Variants in LSS observed in about 807,000 individuals in gnomAD.
LSS encodes the protein 2,3-epoxysqualene-lanosterol cyclase.
In LSS, 90 loss-of-function variants were observed where a neutral mutation model predicts 110.3. That is an observed-to-expected ratio of 0.82 (90% CI 0.69 to 0.97). The LOEUF is 0.97. Among genes scored for constraint, LSS ranks in the 50% least tolerant of loss-of-function variants. LSS has a pLI of 0.00. For synonymous variants in LSS, 433 were observed against 400.0 expected, an observed-to-expected ratio of 1.08 and a Z score of -0.98; for missense variants, 927 against 990.0, an observed-to-expected ratio of 0.94 and a Z score of 0.85.
At position 46,211,048 on chromosome 21, in the gene LSS, G is replaced by A. The variant is rs113453991; in HGVS notation, c.1138-304C>T. Among the ~76,000 whole-genome samples, 6,406 of 152,286 alleles carry A rather than the reference G, an allele frequency of 0.042. 317 individuals are homozygous for A. The highest frequency in any genetic ancestry group is 0.12 in the African/African-American group (4,862 of 41,542). ...ACTGGACGATCCCTTAGAGGCTCCA[G>A]CACCTACACATAGAGCATCCAGCTG... On this transcript the variant is annotated intron_variant, in intron 11 of 21. Coordinates refer to ENST00000397728, the MANE Select transcript of LSS (RefSeq NM_002340.6).
At chr21:46,198,717 T>TAGAC (rs753686667) in intron 17 of LSS, among the ~76,000 whole-genome samples, 2 of 147,740 alleles carry the variant, frequency 1.4e-5, no homozygotes, top group Non-Finnish European at 3.0e-5. Flanking sequence ...AGCTCAGAAA[T>TAGAC]AGACCCATGC....
intron 17 of LSS, among the ~76,000 whole-genome samples, chr21:46,198,524 C>T (rs576202893): frequency 6.6e-6 from 1 of 152,172 alleles, no homozygotes; most frequent in African/African-American, 2.4e-5. Flanking sequence ...AAACTATTGA[C>T]AAACTGACTC....
At chr21:46,195,984 G>A (rs1320026194) in intron 18 of LSS, among the ~76,000 whole-genome samples, 1 of 152,254 alleles carries the variant, frequency 6.6e-6, no homozygotes, top group Non-Finnish European at 1.5e-5. Context: ...CCAGCAGCCC[G>A]GCTGCGCCCA....
chr21:46,227,474 C>A, intron 3 of LSS, 78 bp downstream of exon 3: 1 of 1,557,330 alleles, frequency 6.4e-7, no homozygotes, highest in East Asian at 2.3e-5. Flanking sequence ...TTCATCAAAA[C>A]CCTAGACCAG....
At chr21:46,222,798 G>A in intron 3 of LSS, 60 bp from the exon 4 acceptor site, 1 of 1,295,118 alleles carries the variant, frequency 7.7e-7, no homozygotes, top group Non-Finnish European at 1.1e-6. Flanking sequence ...CTAAGACCAG[G>A]CCCCTTTCCT....
intron 5 of LSS, among the ~76,000 whole-genome samples, chr21:46,220,741 T>C (rs911835908): frequency 1.5e-5 from 2 of 136,512 alleles, no homozygotes. Context: ...AGAGGAGAGG[T>C]AGCCAGGCCG....
Position 46,227,566 on chromosome 21 carries a change from AG to A in LSS, c.304del (p.Leu102PhefsTer8), listed in dbSNP as rs1438103809. ...CATACTCCTACCTGGCAGGAGGAAA[AG>A]TGGGCCACCATAATCACCCGTCCAG... ...GHWTGDYGGP[L>X]FLLPGLLITC... On this transcript the variant is annotated frameshift_variant, in exon 3 of 22. Coordinates refer to ENST00000397728, the MANE Select transcript of LSS (RefSeq NM_002340.6). LOFTEE classifies it high-confidence loss of function. The A allele has an allele frequency of 8.1e-6, 13 of 1,613,862 alleles. No homozygotes were observed. Among genetic ancestry groups the A allele is most frequent in the Non-Finnish European group, 1.1e-5 (13 of 1,180,004 alleles).
chr21:46,210,881 C>T (rs2080120666), intron 11 of LSS, 137 bp from the exon 12 acceptor site: 1 of 736,902 alleles, frequency 1.4e-6, no homozygotes, highest in Non-Finnish European at 2.3e-6. Flanking sequence ...AGGCTCTGAG[C>T]CCTGGGCACC....
At position 46,195,748 on chromosome 21, in the gene LSS, C is replaced by T; in HGVS notation, c.1745G>A (p.Gly582Glu). 3 of 1,613,644 alleles carry T rather than the reference C, an allele frequency of 1.9e-6. No homozygotes were observed. The highest frequency in any genetic ancestry group is 1.7e-6 in the Non-Finnish European group (2 of 1,179,880). ...RADGSWEGSW[G>E]VCFTYGTWFG... The stretch of plus-strand genomic sequence containing the variant: ...CCAGGTGCCGTAGGTGAAGCAAACT[C>T]CCCAGGAGCTGGAGGGAAACAGGGA... The change falls in exon 19 of 22, where the codon GGA (glycine) becomes GAA (glutamate). Residue 582 changes from glycine to glutamate, a missense_variant. Transcript: ENST00000397728.
In LSS at chr21:46,205,837, G is replaced by A. The variant is rs776843859; in HGVS notation, c.1669C>T (p.Arg557Trp). 1.3e-5 allele frequency: 21 copies of A among 1,599,914 alleles called. No homozygotes were observed. Among genetic ancestry groups the A allele is most frequent in the Admixed American group, 3.5e-5 (2 of 57,924 alleles). ...CTGAATGGCTGAGACCCTCCTTACC[G>A]GATCTCCGCTGCCCTGTGCTCCGGG... ...RFPEHRAAEI[R>W]ETLTQGLEFC... is the part of the protein sequence containing the mutation. Residue 557 changes from arginine (R) to tryptophan (W), a missense_variant and splice_region_variant, in exon 17 of 22, where the codon CGG becomes TGG. Coordinates refer to ENST00000397728, the MANE Select transcript of LSS (RefSeq NM_002340.6).
intron 18 of LSS, 21 bp downstream of exon 18, chr21:46,196,181 C>T: frequency 5.0e-6 from 8 of 1,612,966 alleles, no homozygotes; most frequent in Non-Finnish European, 5.9e-6. Flanking sequence ...TCTCTGCACT[C>T]ACGAGTGGAG....
Position 46,221,845 on chromosome 21 carries a change from A to G in LSS, c.550+9T>C. The stretch of plus-strand genomic sequence containing the variant: ...ACCCCTGGCCCAGCACATGCTGCAC[A>G]TGCCGTACCTTTCTTGTGAAGAATG... On this transcript the variant is annotated intron_variant, in intron 5 of 21. Coordinates refer to ENST00000397728, the MANE Select transcript of LSS (RefSeq NM_002340.6). The G allele has an allele frequency of 3.1e-6, 5 of 1,614,006 alleles. No homozygotes were observed. Among genetic ancestry groups the G allele is most frequent in the South Asian group, 1.1e-5 (1 of 91,074 alleles).
chr21:46,227,921 A>G (rs1200483085), intron 2 of LSS, among the ~76,000 whole-genome samples: 1 of 152,236 alleles, frequency 6.6e-6, no homozygotes, highest in African/African-American at 2.4e-5. Flanking sequence ...TGTATTCTTC[A>G]CAACTTCTCC....
intron 3 of LSS, chr21:46,225,275 G>T: frequency 2.7e-6 from 1 of 370,938 alleles, no homozygotes; most frequent in Non-Finnish European, 5.4e-6. Context: ...GAAGTGACCA[G>T]AAGACAAGAG....
At position 46,216,539 on chromosome 21, in the gene LSS, G is replaced by A; in HGVS notation, c.648-15C>T. 1 of 1,577,906 alleles carries A rather than the reference G, an allele frequency of 6.3e-7. No individual in the cohort carries two copies. The highest frequency in any genetic ancestry group is 8.6e-7 in the Non-Finnish European group (1 of 1,159,028). On this transcript the variant is annotated splice_polypyrimidine_tract_variant and intron_variant, in intron 6 of 21. Transcript: ENST00000397728. The surrounding 1 kb of genome is among the most constrained non-coding windows in gnomAD (Gnocchi z 4.2). ...CAGGAAACAGCCTGGGGCAACAGCA[G>A]GAGTCAGTGGGAGACCCCAAGACTC...
chr21:46,213,399 C>G lies in LSS; in HGVS notation c.1109+339G>C, dbSNP rs1006716466. On this transcript the variant is annotated intron_variant, in intron 10 of 21. Coordinates refer to ENST00000397728, the MANE Select transcript of LSS (RefSeq NM_002340.6). ...TTCCCACCATGGGACGGCTCTCTGC[C>G]CTCCATGACAGGGGCCCCACCTCCA... Among the ~76,000 whole-genome samples the G allele has an allele frequency of 2.2e-4, 33 of 152,204 alleles. 1 individual carries two copies. Among genetic ancestry groups the G allele is most frequent in the Non-Finnish European group, 2.9e-5 (2 of 68,020 alleles).
Position 46,219,475 on chromosome 21 carries a change from C to A in LSS, c.647+1G>T, listed in dbSNP as rs1248698563. 6 of 1,585,454 alleles carry A rather than the reference C, an allele frequency of 3.8e-6. No homozygotes were observed. The Admixed American group carries it at 7.1e-5, about 19-fold the overall frequency. On this transcript the variant is annotated splice_donor_variant, in intron 6 of 21. Transcript: ENST00000397728. LOFTEE classifies it high-confidence loss of function. Reference sequence around the variant, plus strand: ...AACAACCCAATCAACAGCAGACATACCACATCTCTGGGAACAGGGTATTGA... The same window carrying A: ...AACAACCCAATCAACAGCAGACATAACACATCTCTGGGAACAGGGTATTGA...
At chr21:46,193,577 G>A (rs1569016129) in intron 20 of LSS, 2 of 411,882 alleles carry the variant, frequency 4.9e-6, no homozygotes, top group East Asian at 1.6e-4. Context: ...GGGTGCATCT[G>A]TACGTGTGTG....
In LSS at chr21:46,209,726, G is replaced by C. The variant is rs959611163; in HGVS notation, c.1195-101C>G. On this transcript the variant is annotated intron_variant, in intron 12 of 21. Transcript: ENST00000397728. The surrounding 1 kb of genome is among the most constrained non-coding windows in gnomAD (Gnocchi z 4.4). Reference sequence around the variant, plus strand: ...CCTGGCCACATCCTGCCCCAACCGGGGACCAGAATCAAACCAGCAGACATC... The same window carrying C: ...CCTGGCCACATCCTGCCCCAACCGGCGACCAGAATCAAACCAGCAGACATC... 8.4e-5 allele frequency: 83 copies of C among 987,976 alleles called. No homozygotes were observed. In the East Asian group the frequency reaches 2.2e-3, roughly 26 times the overall value. The allele number at this position is 987,976 out of a possible 1,614,324, so 61.2% of individuals were successfully genotyped here. A position where few individuals can be genotyped will look rare whatever the true frequency, so the allele number is the denominator to read the frequency against.
Sources: allele counts gnomAD v4.1 joint callset (sites outside exome capture counted in the v4.1 genomes callset), GRCh38; gene constraint gnomAD v4.1.1; non-coding constraint Gnocchi (gnomAD v3.1); transcripts MANE v1.5; gene names NCBI Gene and HGNC (gene_info 2026-07-23, HGNC 2026-07-21).